The following AKT1S1 variants were observed in gnomAD, a reference collection of about 807,000 sequenced individuals.
AKT1S1 encodes the protein proline-rich AKT1 substrate 1.
Under a neutral mutation model 21.2 loss-of-function variants are expected in AKT1S1, and 17 were observed. The ratio of observed to expected loss-of-function variants is 0.80; its 90% CI spans 0.55 to 1.20. The LOEUF (loss-of-function observed/expected upper bound fraction) is 1.20. Ranked by LOEUF, AKT1S1 falls within the 50% of genes most tolerant of loss-of-function variation. The pLI is 0.00. For synonymous variants in AKT1S1, 181 were observed against 165.6 expected, an observed-to-expected ratio of 1.09 and a Z score of -0.72; for missense variants, 366 against 368.3, an observed-to-expected ratio of 0.99 and a Z score of 0.05.
At chr19:49,876,242 C>A in intron 1 of AKT1S1, 2 of 1,094,598 alleles carry the variant, frequency 1.8e-6, no homozygotes, top group Non-Finnish European at 2.2e-6. Context: ...AGGAAGAAAA[C>A]AGGAAATCCC....
At chr19:49,876,295 G>A in intron 1 of AKT1S1, 1 of 1,188,870 alleles carries the variant, frequency 8.4e-7, no homozygotes, top group East Asian at 3.6e-5. Context: ...CTTTGGACGG[G>A]TGAGGGGCGC....
chr19:49,877,460 C>T (rs557071773), upstream of AKT1S1: 7 of 510,048 alleles, frequency 1.4e-5, no homozygotes, highest in Admixed American at 1.1e-4. Context: ...CACTTGTTTA[C>T]TTCGTGGCGA....
chr19:49,871,939 C>T, intron 2 of AKT1S1, 50 bp from the exon 3 acceptor site: 1 of 1,581,638 alleles, frequency 6.3e-7, no homozygotes, highest in South Asian at 1.1e-5. Context: ...CCTAGCCATG[C>T]TCCATGTGTC....
chr19:49,875,822 C>G (rs1003998654), intron 1 of AKT1S1: 1 of 984,828 alleles, frequency 1.0e-6, no homozygotes, highest in African/African-American at 1.7e-5. Flanking sequence ...CCAGGGGCAC[C>G]CTGTAATGCT....
Position 49,872,904 on chromosome 19 carries a change from C to A in AKT1S1, c.379+13G>T. ...GCGCTGGGCCGCACCCGCCCCTGCC[C>A]CCACCCTCTCACCTCCATTATCACT... On this transcript the variant is annotated intron_variant, in intron 2 of 4. Coordinates refer to ENST00000344175, the MANE Select transcript of AKT1S1 (RefSeq NM_001098633.4). 6.3e-7 allele frequency: 1 copy of A among 1,594,506 alleles called. No individual in the cohort carries two copies. The highest frequency in any genetic ancestry group is 1.1e-5 in the South Asian group (1 of 89,602).
upstream of AKT1S1, chr19:49,877,697 G>T (rs765040621): frequency 3.1e-6 from 5 of 1,598,642 alleles, no homozygotes; most frequent in Admixed American, 1.8e-5. Context: ...AGGAGGAGGC[G>T]GGGCAGTGGG....
chr19:49,872,787 T>C (rs914931116), intron 2 of AKT1S1, 130 bp downstream of exon 2: 2 of 1,140,642 alleles, frequency 1.8e-6, no homozygotes, highest in African/African-American at 3.1e-5. Context: ...GGCAAGCCTG[T>C]CTGGCTCTGG....
chr19:49,871,444 A>C (rs547645642), intron 4 of AKT1S1, 103 bp downstream of exon 4: 1 of 1,478,100 alleles, frequency 6.8e-7, no homozygotes, highest in African/African-American at 1.4e-5. Flanking sequence ...GGATTCAGTT[A>C]GCTTATGGGT....
intron 2 of AKT1S1, among the ~76,000 whole-genome samples, chr19:49,872,348 G>C (rs1413669751): frequency 6.6e-6 from 1 of 152,188 alleles, no homozygotes; most frequent in Non-Finnish European, 1.5e-5. Flanking sequence ...ATGGTGAGGA[G>C]GCCTGCCATT....
At chr19:49,876,874 G>A (rs1028660985) in intron 1 of AKT1S1, 10 of 466,290 alleles carry the variant, frequency 2.1e-5, no homozygotes, top group African/African-American at 1.0e-4. Flanking sequence ...GCTCAATCAT[G>A]ACCACAGTAA....
At position 49,869,783 on chromosome 19, in the gene AKT1S1, C is replaced by T; in HGVS notation, c.*134G>A. 6 of 1,052,942 alleles carry T rather than the reference C, an allele frequency of 5.7e-6. No homozygotes were observed. Among genetic ancestry groups the T allele is most frequent in the South Asian group, 2.4e-5 (1 of 41,620 alleles). The allele number at this position is 1,052,942 out of a possible 1,614,324, so 65.2% of individuals were successfully genotyped here. On this transcript the variant is annotated 3_prime_UTR_variant, in exon 5 of 5. Coordinates refer to ENST00000344175, the MANE Select transcript of AKT1S1 (RefSeq NM_001098633.4). Reference sequence around the variant, plus strand: ...GAAGGACGGCGGGGATTGGCAGAGGCGGGACAATCTTGGGAATGGGAGACG... The same window carrying T: ...GAAGGACGGCGGGGATTGGCAGAGGTGGGACAATCTTGGGAATGGGAGACG...
At chr19:49,877,973 A>G, upstream of AKT1S1, 2 of 698,726 alleles carry the variant, frequency 2.9e-6, no homozygotes, top group Non-Finnish European at 2.3e-6. Flanking sequence ...TGTGGAACGC[A>G]CGTCAGCATC....
Position 49,873,168 on chromosome 19 carries a change from G to C in AKT1S1, c.128C>G (p.Pro43Arg). 6.5e-7 allele frequency: 1 copy of C among 1,534,068 alleles called. No individual in the cohort carries two copies. The highest frequency in any genetic ancestry group is 8.7e-7 in the Non-Finnish European group (1 of 1,146,376). ...TCGACCATGGGCAGCATAGGCACAG[G>C]GGCCCGGGCGGGGTGGTGGCGGCGG... ...AAPPPPPRPG[P>R]CAYAAHGRGA... Residue 43 changes from proline (P) to arginine (R), a missense_variant, in exon 2 of 5, where the codon CCC becomes CGC. Physicochemically the swap from Pro to Arg is moderately radical, Grantham distance 103. Coordinates refer to ENST00000344175, the MANE Select transcript of AKT1S1 (RefSeq NM_001098633.4). This position sits in a 1 kb window ranked among gnomAD's most constrained non-coding sequence, Gnocchi z 6.9.
At chr19:49,870,134 G>A (rs1358092024) in intron 4 of AKT1S1, 74 bp from the exon 5 acceptor site, 30 of 1,338,342 alleles carry the variant, frequency 2.2e-5, no homozygotes, top group Non-Finnish European at 2.3e-5. Context: ...GTCCAGGGGT[G>A]CACCCGGGCT....
upstream of AKT1S1, chr19:49,878,067 TG>T: frequency 7.9e-7 from 1 of 1,261,976 alleles, no homozygotes; most frequent in Non-Finnish European, 1.1e-6. Flanking sequence ...GGCTCCTCCC[TG>T]GGCCCGTCCC....
intron 2 of AKT1S1, among the ~76,000 whole-genome samples, chr19:49,872,190 A>G (rs8112830): frequency 0.51 from 77,235 of 151,540 alleles, 20,616 homozygotes; most frequent in African/African-American, 0.68. Context: ...AGAAACATGC[A>G]ATGACTATGA....
At chr19:49,876,701 C>T in intron 1 of AKT1S1, 4 of 1,438,030 alleles carry the variant, frequency 2.8e-6, no homozygotes, top group Non-Finnish European at 2.8e-6. Flanking sequence ...GCCTCCTCTC[C>T]GCACACTCCG....
chr19:49,873,478 C>T lies in AKT1S1; in HGVS notation c.-7-176G>A, dbSNP rs984294040. On this transcript the variant is annotated intron_variant, in intron 1 of 4. Transcript: ENST00000344175. This position sits in a 1 kb window ranked among gnomAD's most constrained non-coding sequence, Gnocchi z 6.9. ...CTCCCCAGGATTCTCACCATCCAGTCCTCGCAGGCCCAGACCCTGGCGACG... is the reference window on the plus strand; with the variant it reads ...CTCCCCAGGATTCTCACCATCCAGTTCTCGCAGGCCCAGACCCTGGCGACG... 8.3e-7 allele frequency: 1 copy of T among 1,205,954 alleles called. No homozygotes were observed. The highest frequency in any genetic ancestry group is 1.1e-6 in the Non-Finnish European group (1 of 927,332). The allele number at this position is 1,205,954 out of a possible 1,614,324, so 74.7% of individuals were successfully genotyped here.
chr19:49,877,455 G>C, upstream of AKT1S1: 3 of 508,700 alleles, frequency 5.9e-6, no homozygotes, highest in Non-Finnish European at 1.1e-5. Context: ...CCTCCCACTT[G>C]TTTACTTCGT....
Sources: allele counts gnomAD v4.1 joint callset (sites outside exome capture counted in the v4.1 genomes callset), GRCh38; gene constraint gnomAD v4.1.1; non-coding constraint Gnocchi (gnomAD v3.1); transcripts MANE v1.5; gene names NCBI Gene and HGNC (gene_info 2026-07-23, HGNC 2026-07-21).